Variants in ATF6 observed in about 807,000 individuals in gnomAD.
ATF6 encodes cyclic AMP-dependent transcription factor ATF-6 alpha.
In ATF6, 53 loss-of-function variants were observed where a neutral mutation model predicts 83.6. The ratio of observed to expected loss-of-function variants is 0.63; its 90% confidence interval spans 0.51 to 0.80. The LOEUF (loss-of-function observed/expected upper bound fraction) is 0.80, where lower values mean the gene tolerates loss of function less well. Among genes scored for constraint, ATF6 ranks in the 30% least tolerant of loss-of-function variants. ATF6 has a pLI of 0.00. For missense variants in ATF6, 744 were observed against 797.9 expected, an observed-to-expected ratio of 0.93 and a Z score of 0.81; for synonymous variants, 288 against 285.8, an observed-to-expected ratio of 1.01 and a Z score of -0.08.
intron 7 of ATF6, among the ~76,000 whole-genome samples, chr1:161,810,422 T>C (rs1422606590): frequency 6.6e-6 from 1 of 152,176 alleles, no homozygotes; most frequent in African/African-American, 2.4e-5. Context: ...TCTGCCTCCA[T>C]GATCGAATCA....
intron 9 of ATF6, among the ~76,000 whole-genome samples, chr1:161,826,012 T>C (rs914333061): frequency 1.3e-5 from 2 of 152,034 alleles, no homozygotes; most frequent in African/African-American, 4.8e-5. Context: ...ATTCCAAGGG[T>C]TTTAGGAGCT....
At chr1:161,925,647 T>G (rs980121666) in intron 15 of ATF6, among the ~76,000 whole-genome samples, 1 of 152,210 alleles carries the variant, frequency 6.6e-6, no homozygotes, top group Admixed American at 6.5e-5. Context: ...GTTAGGACCT[T>G]ATTTATTCAA....
At chr1:161,770,324 T>C (rs796175423) in intron 1 of ATF6, among the ~76,000 whole-genome samples, 1 of 152,360 alleles carries the variant, frequency 6.6e-6, no homozygotes, top group East Asian at 1.9e-4. Flanking sequence ...ATAGTATGTA[T>C]GTTCTATAGC....
At chr1:161,778,658 T>G (rs369345854) in intron 2 of ATF6, among the ~76,000 whole-genome samples, 4 of 152,302 alleles carry the variant, frequency 2.6e-5, no homozygotes, top group South Asian at 4.1e-4. Context: ...GCCTACTTCT[T>G]GGTTTTTACA....
intron 14 of ATF6, among the ~76,000 whole-genome samples, chr1:161,907,420 A>T (rs1461360135): frequency 6.6e-6 from 1 of 152,162 alleles, no homozygotes; most frequent in Non-Finnish European, 1.5e-5. Flanking sequence ...AATCCAGTGG[A>T]TATGGGCCAA....
chr1:161,843,872 G>A (rs752532894), intron 9 of ATF6, among the ~76,000 whole-genome samples: 3 of 152,224 alleles, frequency 2.0e-5, no homozygotes, highest in Admixed American at 6.5e-5. Context: ...CTAATGAGGA[G>A]CCTAAAAGTT....
At chr1:161,820,835 T>C (rs868453397) in intron 8 of ATF6, among the ~76,000 whole-genome samples, 1 of 152,074 alleles carries the variant, frequency 6.6e-6, no homozygotes, top group Non-Finnish European at 1.5e-5. Context: ...TTTTTTTCTC[T>C]TCTGCTTCTC....
At chr1:161,838,916 A>C (rs1686286395) in intron 9 of ATF6, among the ~76,000 whole-genome samples, 1 of 152,216 alleles carries the variant, frequency 6.6e-6, no homozygotes. Context: ...AGGCTGCAAA[A>C]ATCATCTCTG....
intron 1 of ATF6, among the ~76,000 whole-genome samples, chr1:161,773,968 C>T (rs1684456703): frequency 6.6e-6 from 1 of 152,034 alleles, no homozygotes; most frequent in Admixed American, 6.6e-5. Flanking sequence ...CTAGATTTAC[C>T]AACTGTTAAC....
chr1:161,783,861 G>T (rs957685409), intron 3 of ATF6, 129 bp from the exon 4 acceptor site: 56 of 585,100 alleles, frequency 9.6e-5, no homozygotes, highest in Middle Eastern at 3.6e-4. Flanking sequence ...ATTTTCACTC[G>T]TTATATTTTG....
intron 7 of ATF6, 86 bp downstream of exon 7, chr1:161,802,358 G>T (rs2101755825): frequency 1.6e-6 from 2 of 1,212,420 alleles, no homozygotes; most frequent in East Asian, 2.5e-5. Context: ...CCTTGTTTTT[G>T]TTTTTTTTAG....
Position 161,802,068 on chromosome 1 carries a change from G to C in ATF6, c.705G>C (p.Leu235=), listed in dbSNP as rs201567683. 3.1e-6 allele frequency: 5 copies of C among 1,614,036 alleles called. No individual in the cohort carries two copies. The highest frequency in any genetic ancestry group is 2.5e-6 in the Non-Finnish European group (3 of 1,179,974). The part of the protein sequence containing the change: ...PAPTKGQTVL[L]SQPTVVQLQA... Reference sequence around the variant, plus strand: ...CTAACGCAGGCCAGACGGTTTTGCTGTCTCAGCCTACTGTGGTACAACTTC... The same window carrying C: ...CTAACGCAGGCCAGACGGTTTTGCTCTCTCAGCCTACTGTGGTACAACTTC... The change falls in exon 7 of 16, where the codon CTG becomes CTC. Residue 235 remains leucine, a synonymous_variant. Transcript: ENST00000367942.
At chr1:161,901,803 A>T (rs1339651026) in intron 14 of ATF6, among the ~76,000 whole-genome samples, 1 of 152,180 alleles carries the variant, frequency 6.6e-6, no homozygotes, top group Non-Finnish European at 1.5e-5. Flanking sequence ...CATATCAGTG[A>T]TACTTTTACC....
At chr1:161,786,205 G>A (rs1192644473) in intron 4 of ATF6, among the ~76,000 whole-genome samples, 1 of 152,026 alleles carries the variant, frequency 6.6e-6, no homozygotes. Context: ...GGCTGGTCTC[G>A]AACTTCTGAC....
intron 10 of ATF6, among the ~76,000 whole-genome samples, chr1:161,847,019 C>A (rs1280005515): frequency 6.6e-6 from 1 of 152,130 alleles, no homozygotes; most frequent in East Asian, 1.9e-4. Context: ...TTATTGTGAT[C>A]TTTGTTGAAT....
chr1:161,857,219 C>G (rs984998912), intron 12 of ATF6, among the ~76,000 whole-genome samples: 2 of 152,120 alleles, frequency 1.3e-5, no homozygotes, highest in African/African-American at 4.8e-5. Flanking sequence ...TTACCTCTTT[C>G]AGTTGCTAAG....
At chr1:161,948,286 T>G (rs1435487509) in intron 15 of ATF6, among the ~76,000 whole-genome samples, 1 of 152,222 alleles carries the variant, frequency 6.6e-6, no homozygotes, top group Non-Finnish European at 1.5e-5. Flanking sequence ...GTTAGACAGC[T>G]TTTCTAGATC....
chr1:161,878,099 A>G (rs1387386249), intron 14 of ATF6, among the ~76,000 whole-genome samples: 1 of 152,036 alleles, frequency 6.6e-6, no homozygotes, highest in Non-Finnish European at 1.5e-5. Context: ...GTAATTAAGA[A>G]TTGTCAGCTC....
At chr1:161,795,261 G>A (rs945674063) in intron 6 of ATF6, among the ~76,000 whole-genome samples, 39 of 152,022 alleles carry the variant, frequency 2.6e-4, no homozygotes, top group Admixed American at 6.5e-5. Context: ...AACTCATGCA[G>A]TGCCCTTATG....
Sources: allele counts gnomAD v4.1 joint callset (sites outside exome capture counted in the v4.1 genomes callset), GRCh38; gene constraint gnomAD v4.1.1; transcripts MANE v1.5; gene names NCBI Gene and HGNC (gene_info 2026-07-23, HGNC 2026-07-21).